Variants in USP43 observed in about 807,000 individuals in gnomAD.
USP43 encodes the protein ubiquitin specific peptidase 43.
A neutral mutation model predicts 90.7 loss-of-function variants in USP43; 33 were observed. That is an observed-to-expected ratio of 0.36 (90% CI 0.28 to 0.49). USP43 has a LOEUF of 0.49. Ranked by LOEUF, USP43 falls within the 20% of genes least tolerant of loss-of-function variation. USP43 has a pLI of 0.98. For missense variants in USP43, 1,274 were observed against 1,476.4 expected, an observed-to-expected ratio of 0.86 and a Z score of 2.25; for synonymous variants, 598 against 615.8, an observed-to-expected ratio of 0.97 and a Z score of 0.43.
chr17:9,655,084 G>GAAAAAAAAAAAAAA (rs57985388), intron 1 of USP43, among the ~76,000 whole-genome samples: 1 of 37,326 alleles, frequency 2.7e-5, no homozygotes. Context: ...AGAAAGAAAG[G>GAAAAAAAAAAAAAA]AAAAAAAAAA....
intron 3 of USP43, among the ~76,000 whole-genome samples, chr17:9,673,673 T>G (rs1248234942): frequency 6.6e-6 from 1 of 152,220 alleles, no homozygotes. Flanking sequence ...AGGAATGATA[T>G]GAGCACGGAG....
rs1567660713 is a variant in USP43 at position 9,681,171 on chromosome 17, TACTATATAATATAC to T, written c.1105+806_1105+819del. ...TATATAATATATACTATATAATATA[TACTATATAATATAC>T]TATATAATATATACTATATAATATA... On this transcript the variant is annotated intron_variant, in intron 6 of 14. Coordinates refer to ENST00000285199, the MANE Select transcript of USP43 (RefSeq NM_153210.5). Among the ~76,000 whole-genome samples the T allele has an allele frequency of 2.7e-4, 23 of 83,732 alleles. 1 individual carries two copies. Among genetic ancestry groups the T allele is most frequent in the Admixed American group, 1.3e-3 (8 of 6,200 alleles). The allele number at this position is 83,732 out of a possible 152,430, so 54.9% of individuals were successfully genotyped here.
At chr17:9,714,709 C>T (rs1916399677) in intron 14 of USP43, among the ~76,000 whole-genome samples, 1 of 149,514 alleles carries the variant, frequency 6.7e-6, no homozygotes, top group East Asian at 2.0e-4. Flanking sequence ...AAATGAAGAC[C>T]CGAGACCAAA....
chr17:9,673,756 T>G (rs1374831818), intron 3 of USP43, among the ~76,000 whole-genome samples: 3 of 152,332 alleles, frequency 2.0e-5, no homozygotes, highest in Non-Finnish European at 2.9e-5. Flanking sequence ...CTCTGTGTGC[T>G]TCAGATTTCT....
At chr17:9,656,871 G>A (rs1405088443) in intron 2 of USP43, among the ~76,000 whole-genome samples, 1 of 152,122 alleles carries the variant, frequency 6.6e-6, no homozygotes, top group African/African-American at 2.4e-5. Context: ...CTTATTATTT[G>A]CAGATGGTAC....
chr17:9,722,005 G>C (rs1034067798), intron 14 of USP43, among the ~76,000 whole-genome samples: 14 of 151,884 alleles, frequency 9.2e-5, no homozygotes, highest in Non-Finnish European at 1.8e-4. Flanking sequence ...CACAATGCTG[G>C]GATTACAGGC....
chr17:9,722,053 A>T (rs1166595054), intron 14 of USP43, among the ~76,000 whole-genome samples: 1 of 152,094 alleles, frequency 6.6e-6, no homozygotes, highest in African/African-American at 2.4e-5. Context: ...ACCTTTAATC[A>T]AGTAATCCTT....
Position 9,728,476 on chromosome 17 carries a change from T to C in USP43, c.2858T>C (p.Met953Thr), listed in dbSNP as rs1477426237. 2 of 1,613,654 alleles carry C rather than the reference T, an allele frequency of 1.2e-6. No homozygotes were observed. Among genetic ancestry groups the C allele is most frequent in the East Asian group, 4.5e-5 (2 of 44,854 alleles). The change falls in exon 15 of 15, where the codon ATG becomes ACG. Residue 953 changes from methionine (M) to threonine (T), a missense_variant. Physicochemically the swap from Met to Thr is moderately conservative, Grantham distance 81. Transcript: ENST00000285199. This position sits in a 1 kb window ranked among gnomAD's most constrained non-coding sequence, Gnocchi z 6.2. The stretch of plus-strand genomic sequence containing the variant: ...GCTCGACCGGAGGGCCAGAAGGCCA[T>C]GAACTGGAAGGAGAGCTTCCAGATG... ...KPARPEGQKA[M>T]NWKESFQMGS...
At chr17:9,692,094 C>T (rs1197710819) in intron 8 of USP43, among the ~76,000 whole-genome samples, 1 of 150,962 alleles carries the variant, frequency 6.6e-6, no homozygotes, top group South Asian at 2.1e-4. Context: ...CGTGGTGGCT[C>T]ATGCCTGTAA....
rs769261477 is a variant in USP43 at position 9,728,065 on chromosome 17, G to T, written c.2447G>T (p.Arg816Leu). 3 of 1,613,774 alleles carry T rather than the reference G, an allele frequency of 1.9e-6. No individual in the cohort carries two copies. The highest frequency in any genetic ancestry group is 3.3e-5 in the Admixed American group (2 of 59,986). Residue 816 changes from arginine (R) to leucine (L), a missense_variant, in exon 15 of 15, where the codon CGG becomes CTG. Coordinates refer to ENST00000285199, the MANE Select transcript of USP43 (RefSeq NM_153210.5). This position sits in a 1 kb window ranked among gnomAD's most constrained non-coding sequence, Gnocchi z 6.2. ...KQGPFKTMPLRWSFGSKEKPP... is the reference protein window; with the variant it reads ...KQGPFKTMPLLWSFGSKEKPP... ...GGACCATTCAAGACCATGCCTCTGC[G>T]GTGGTCCTTTGGATCCAAGGAGAAA...
intron 14 of USP43, among the ~76,000 whole-genome samples, chr17:9,719,591 G>T (rs896419068): frequency 2.0e-5 from 3 of 152,156 alleles, no homozygotes; most frequent in Non-Finnish European, 4.4e-5. Flanking sequence ...AAATAGACCC[G>T]TTCCCTCTGG....
Position 9,729,437 on chromosome 17 carries a change from G to T in USP43, c.*447G>T, listed in dbSNP as rs1282907690. 6.8e-6 allele frequency: 1 copy of T among 147,690 alleles called. No individual in the cohort carries two copies. The highest frequency in any genetic ancestry group is 1.5e-5 in the Non-Finnish European group (1 of 67,280). The allele number at this position is 147,690 out of a possible 1,614,324, so 9.1% of individuals were successfully genotyped here. Reference sequence around the variant, plus strand: ...AATATTTTATTTTTAATGCTTTTCTGGGATAAGCATTAAAGATGCCAAAAA... The same window carrying T: ...AATATTTTATTTTTAATGCTTTTCTTGGATAAGCATTAAAGATGCCAAAAA... On this transcript the variant is annotated 3_prime_UTR_variant, in exon 15 of 15. Transcript: ENST00000285199.
At chr17:9,684,763 CAAAAAAAA>C (rs34404550) in intron 7 of USP43, among the ~76,000 whole-genome samples, 1 of 65,848 alleles carries the variant, frequency 1.5e-5, no homozygotes, top group Non-Finnish European at 3.2e-5. Context: ...AACTCCATCT[CAAAAAAAA>C]AAAAAAAAAA....
chr17:9,695,333 A>G (rs1198112239), intron 9 of USP43, among the ~76,000 whole-genome samples: 1 of 152,094 alleles, frequency 6.6e-6, no homozygotes. Flanking sequence ...TACATAGAAC[A>G]TAAAATTACT....
intron 14 of USP43, among the ~76,000 whole-genome samples, chr17:9,717,596 G>A (rs898891838): frequency 6.6e-6 from 1 of 151,812 alleles, no homozygotes; most frequent in African/African-American, 2.4e-5. Context: ...GGTTTTCTCC[G>A]GGTGCTCCAG....
chr17:9,685,124 A>G (rs1007172127), intron 7 of USP43, among the ~76,000 whole-genome samples: 3 of 152,224 alleles, frequency 2.0e-5, no homozygotes, highest in Admixed American at 6.5e-5. Flanking sequence ...CGATCTGTCC[A>G]TACAACAATG....
chr17:9,699,636 C>A (rs753286609), intron 9 of USP43, among the ~76,000 whole-genome samples: 1 of 152,210 alleles, frequency 6.6e-6, no homozygotes, highest in Non-Finnish European at 1.5e-5. Context: ...GCTGATCCAC[C>A]GTTTCTGAAA....
chr17:9,652,677 C>T (rs920197559), intron 1 of USP43, among the ~76,000 whole-genome samples: 2 of 151,808 alleles, frequency 1.3e-5, no homozygotes, highest in African/African-American at 4.8e-5. Context: ...CATAGACTTT[C>T]TAGGGGAATG....
intron 4 of USP43, among the ~76,000 whole-genome samples, chr17:9,676,083 G>A (rs1449939767): frequency 1.3e-5 from 2 of 152,188 alleles, no homozygotes; most frequent in African/African-American, 4.8e-5. Flanking sequence ...TCTCATTAAG[G>A]AGAATGTCAT....
Sources: allele counts gnomAD v4.1 joint callset (sites outside exome capture counted in the v4.1 genomes callset), GRCh38; gene constraint gnomAD v4.1.1; non-coding constraint Gnocchi (gnomAD v3.1); transcripts MANE v1.5; gene names NCBI Gene and HGNC (gene_info 2026-07-23, HGNC 2026-07-21).